The following CFAP46 variants were observed in gnomAD, a reference collection of about 807,000 sequenced individuals.
CFAP46 encodes the protein cilia and flagella associated protein 46.
In CFAP46, 245 loss-of-function variants were observed where a neutral mutation model predicts 325.7. The observed-to-expected ratio is 0.75, with a 90% CI of 0.68 to 0.84. The LOEUF (loss-of-function observed/expected upper bound fraction) is 0.84, where lower values mean the gene tolerates loss of function less well. Ranked by LOEUF, CFAP46 falls within the 40% of genes least tolerant of loss-of-function variation. The pLI, the probability that CFAP46 is intolerant of heterozygous loss-of-function variation, is 0.00. For synonymous variants in CFAP46, 1,523 were observed against 1,495.9 expected (o/e 1.02, Z -0.42); for missense variants, 3,346 against 3,543.0 (o/e 0.94, Z 1.41).
chr10:132,893,431 C>A (rs1849280778), intron 24 of CFAP46, among the ~76,000 whole-genome samples: 1 of 152,210 alleles, frequency 6.6e-6, no homozygotes, highest in South Asian at 2.1e-4. Flanking sequence ...CGGGGAGGAG[C>A]CTGGCCCCTC....
Position 132,814,931 on chromosome 10 carries a change from A to G in CFAP46, c.7118-17T>C. ...CGCCACCTTCTGTTGAAGACAAGAA[A>G]GAGGCAGGGATGTTTGGCAGCAGCT... is the stretch of plus-strand genomic sequence containing the variant. On this transcript the variant is annotated splice_polypyrimidine_tract_variant and intron_variant, in intron 50 of 57. Coordinates refer to ENST00000368586, the MANE Select transcript of CFAP46 (RefSeq NM_001200049.3). 1 of 1,613,790 alleles carries G rather than the reference A, an allele frequency of 6.2e-7. No homozygotes were observed. The highest frequency in any genetic ancestry group is 8.5e-7 in the Non-Finnish European group (1 of 1,179,688).
intron 50 of CFAP46, among the ~76,000 whole-genome samples, chr10:132,821,928 GC>G (rs1847848070): frequency 1.5e-5 from 2 of 133,270 alleles, no homozygotes; most frequent in African/African-American, 2.9e-5. Context: ...CTGTGTGTGC[GC>G]TGATGTGTGC....
At chr10:132,874,243 G>A (rs11816095) in intron 31 of CFAP46, among the ~76,000 whole-genome samples, 2,135 of 152,280 alleles carry the variant, frequency 0.014, 20 homozygotes, top group South Asian at 0.043. Context: ...AACAAGTGCC[G>A]CCAACCAAAG....
intron 43 of CFAP46, 32 bp downstream of exon 43, chr10:132,846,900 C>T: frequency 1.3e-6 from 2 of 1,584,238 alleles, no homozygotes; most frequent in Non-Finnish European, 1.7e-6. Flanking sequence ...CCATGAAGGG[C>T]CTGGCTGGAG....
In CFAP46 at chr10:132,899,029, T is replaced by C. The variant is rs1471288033; in HGVS notation, c.3149A>G (p.Tyr1050Cys). ...CAGGGCACCCTTGGCCTTCTTCCTG[T>C]AGACGGCTGAGGACAGCAGTGGGAG... ...AWLPLLSSAV[Y>C]RKKAKGALKR... Residue 1050 changes from tyrosine to cysteine, a missense_variant, in exon 24 of 58, where the codon TAC becomes TGC. Tyr to Cys is a radical substitution (Grantham distance 194). Transcript: ENST00000368586. 7.1e-6 allele frequency: 11 copies of C among 1,550,468 alleles called. No homozygotes were observed. The East Asian group carries it at 2.4e-4, about 34-fold the overall frequency.
At chr10:132,874,284 C>T (rs1474673827) in intron 31 of CFAP46, among the ~76,000 whole-genome samples, 1 of 152,164 alleles carries the variant, frequency 6.6e-6, no homozygotes, top group East Asian at 1.9e-4. Flanking sequence ...ACAGCACAGC[C>T]AAGCTGCCCT....
At chr10:132,835,547 G>T in intron 46 of CFAP46, 113 bp from the exon 47 acceptor site, 1 of 1,348,840 alleles carries the variant, frequency 7.4e-7, no homozygotes, top group Non-Finnish European at 1.0e-6. Flanking sequence ...AGGCTGCATG[G>T]ATGGAAGTCC....
chr10:132,941,570 G>A, intron 3 of CFAP46, 21 bp downstream of exon 3: 1 of 1,606,288 alleles, frequency 6.2e-7, no homozygotes, highest in South Asian at 1.1e-5. Flanking sequence ...TTGGGGATAA[G>A]GGGCACAGGA....
At chr10:132,816,839 GA>G (rs1419923762) in intron 50 of CFAP46, among the ~76,000 whole-genome samples, 2 of 152,172 alleles carry the variant, frequency 1.3e-5, no homozygotes, top group Admixed American at 1.3e-4. Flanking sequence ...CGCGAGGATG[GA>G]AAAAAGTCTG....
chr10:132,909,964 C>A lies in CFAP46; in HGVS notation c.2604G>T (p.Gln868His). The A allele has an allele frequency of 6.5e-7, 1 of 1,534,408 alleles. No homozygotes were observed. Among genetic ancestry groups the A allele is most frequent in the Non-Finnish European group, 8.8e-7 (1 of 1,140,750 alleles). Residue 868 changes from glutamine (Q) to histidine (H), a missense_variant, in exon 20 of 58, where the codon CAG (glutamine) becomes CAT (histidine). Gln to His is a conservative substitution (Grantham distance 24, BLOSUM62 0). Transcript: ENST00000368586. ...QLIATWVKAK[Q>H]LLQQQIGPRL... ...GTGGCCCAATCTGCTGCTGCAGCAG[C>A]TGCTTGGCCTTGACCCAGGTGGCGA...
At chr10:132,937,799 G>T in intron 5 of CFAP46, 124 bp from the exon 6 acceptor site, 1 of 1,340,978 alleles carries the variant, frequency 7.5e-7, no homozygotes, top group East Asian at 2.4e-5. Context: ...CCTGGGGTCA[G>T]CTTCTTCAGC....
chr10:132,896,597 A>C (rs902045570), intron 24 of CFAP46, among the ~76,000 whole-genome samples: 3 of 152,262 alleles, frequency 2.0e-5, no homozygotes, highest in Non-Finnish European at 2.9e-5. Flanking sequence ...AGATCTAAAT[A>C]AACAAAAAGA....
At chr10:132,833,584 C>T (rs1848187752) in intron 49 of CFAP46, 59 bp from the exon 50 acceptor site, 17 of 1,555,864 alleles carry the variant, frequency 1.1e-5, no homozygotes, top group Non-Finnish European at 1.5e-5. Context: ...CCCACGGGGT[C>T]GCAGGGCTCC....
intron 19 of CFAP46, among the ~76,000 whole-genome samples, chr10:132,910,590 A>T (rs1849527247): frequency 6.6e-6 from 1 of 152,216 alleles, no homozygotes; most frequent in Non-Finnish European, 1.5e-5. Context: ...TGTAGAAATG[A>T]AACCCAGTCT....
chr10:132,835,953 C>G (rs1848236134), intron 46 of CFAP46, among the ~76,000 whole-genome samples, 189 bp downstream of exon 46: 1 of 93,882 alleles, frequency 1.1e-5, no homozygotes, highest in African/African-American at 4.3e-5. Context: ...CCCCTCCCCC[C>G]ACTCCCCTCC....
At chr10:132,901,547 CG>C (rs1236608189) in intron 22 of CFAP46, among the ~76,000 whole-genome samples, 2 of 152,228 alleles carry the variant, frequency 1.3e-5, no homozygotes, top group African/African-American at 4.8e-5. Flanking sequence ...CGAGGGCCCT[CG>C]GAATCGCTGC....
At position 132,877,004 on chromosome 10, in the gene CFAP46, T is replaced by C. The variant is rs1182434827; in HGVS notation, c.4213-43A>G. 1.3e-6 allele frequency: 2 copies of C among 1,535,390 alleles called. No individual in the cohort carries two copies. Among genetic ancestry groups the C allele is most frequent in the Non-Finnish European group, 1.8e-6 (2 of 1,138,486 alleles). ...CAGGATTTACCTGAAACGGTGGAGG[T>C]GAAACAGCAGACACCCCCGGCCCAC... On this transcript the variant is annotated intron_variant, in intron 30 of 57. Coordinates refer to ENST00000368586, the MANE Select transcript of CFAP46 (RefSeq NM_001200049.3). The surrounding 1 kb of genome is among the most constrained non-coding windows in gnomAD (Gnocchi z 5.7).
intron 12 of CFAP46, 125 bp downstream of exon 12, chr10:132,922,355 G>T: frequency 5.5e-6 from 8 of 1,451,080 alleles, no homozygotes; most frequent in Non-Finnish European, 6.4e-6. Flanking sequence ...GTGACAGCTC[G>T]GTCCCAGGCC....
chr10:132,933,629 C>T lies in CFAP46; in HGVS notation c.866+1123G>A, dbSNP rs143259645. On this transcript the variant is annotated intron_variant, in intron 8 of 57. Transcript: ENST00000368586. Reference sequence around the variant, plus strand: ...TGCCCCTGCGGCCCAGGCTGTGGCCCAGCAGCCACCCTGCGGTCCTGGGGC... The same window carrying T: ...TGCCCCTGCGGCCCAGGCTGTGGCCTAGCAGCCACCCTGCGGTCCTGGGGC... Among the ~76,000 whole-genome samples the T allele has an allele frequency of 6.5e-3, 983 of 152,368 alleles. 5 individuals are homozygous for T. Among genetic ancestry groups the T allele is most frequent in the Middle Eastern group, 0.01 (3 of 294 alleles).
Sources: gnomAD v4.1 joint callset for allele counts (sites outside exome capture counted in the v4.1 genomes callset) on GRCh38, gnomAD v4.1.1 for gene constraint, Gnocchi (gnomAD v3.1) non-coding constraint, MANE v1.5 for transcripts, NCBI Gene and HGNC (gene_info 2026-07-23, HGNC 2026-07-21) for gene names.